Variants in PRKG1 observed in about 807,000 individuals in gnomAD.
PRKG1 encodes protein kinase cGMP-dependent 1.
A neutral mutation model predicts 88.1 loss-of-function variants in PRKG1; 35 were observed. That is an observed-to-expected ratio of 0.40 (90% CI 0.30 to 0.53). The LOEUF is 0.53. Among genes scored for constraint, PRKG1 ranks in the 20% least tolerant of loss-of-function variants. The pLI, the probability that PRKG1 is intolerant of heterozygous loss-of-function variation, is 0.59. For missense variants in PRKG1, 540 were observed against 839.8 expected (o/e 0.64, Z 4.41); for synonymous variants, 303 against 292.5 (o/e 1.04, Z -0.37).
chr10:51,352,203 C>T (rs980198044), intron 2 of PRKG1, among the ~76,000 whole-genome samples: 2 of 151,930 alleles, frequency 1.3e-5, no homozygotes, highest in Non-Finnish European at 1.5e-5. Context: ...GGTCTTTTTG[C>T]TTAGGATTGT....
At chr10:51,825,120 T>A (rs1309670517) in intron 4 of PRKG1, among the ~76,000 whole-genome samples, 3 of 152,188 alleles carry the variant, frequency 2.0e-5, no homozygotes, top group Non-Finnish European at 4.4e-5. Flanking sequence ...TTACTCTGGT[T>A]TGTAAGAATA....
intron 1 of PRKG1, among the ~76,000 whole-genome samples, chr10:51,027,557 A>G (rs1843223702): frequency 6.6e-6 from 1 of 152,212 alleles, no homozygotes; most frequent in African/African-American, 2.4e-5. Context: ...GTGTAGAAAA[A>G]TTTTTGAATG....
intron 1 of PRKG1, among the ~76,000 whole-genome samples, chr10:51,122,342 C>T (rs1845279332): frequency 6.6e-6 from 1 of 152,148 alleles, no homozygotes; most frequent in Non-Finnish European, 1.5e-5. Context: ...ACTGGGATGC[C>T]ACATGGACAC....
chr10:51,570,067 A>ATATATATATATATATATG (rs1491310201), intron 3 of PRKG1, among the ~76,000 whole-genome samples: 1,580 of 112,868 alleles, frequency 0.014, 80 homozygotes, highest in African/African-American at 0.048. Flanking sequence ...ATATATATAT[A>ATATATATATATATATATG]TGTGTGTGTG....
rs1844183012 is a variant in PRKG1 at position 51,084,021 on chromosome 10, GT to G, written c.311+9121del. ...TGATAAAAATAATCTTAGAATCGGA[GT>G]CAGCAAGGAGCTTTTCTGTCTTTTC... On this transcript the variant is annotated intron_variant, in intron 1 of 17. Transcript: ENST00000373980. Among the ~76,000 whole-genome samples the G allele has an allele frequency of 1.3e-5, 2 of 152,146 alleles. 1 individual carries two copies. Among genetic ancestry groups the G allele is most frequent in the South Asian group, 4.1e-4 (2 of 4,826 alleles).
At chr10:51,670,592 C>G (rs1055524308) in intron 3 of PRKG1, among the ~76,000 whole-genome samples, 1 of 148,848 alleles carries the variant, frequency 6.7e-6, no homozygotes, top group African/African-American at 2.4e-5. Context: ...AAAAATTAGC[C>G]GGGCGTAGTG....
At chr10:51,460,653 AG>A (rs1839721089) in intron 2 of PRKG1, among the ~76,000 whole-genome samples, 1 of 152,206 alleles carries the variant, frequency 6.6e-6, no homozygotes, top group African/African-American at 2.4e-5. Context: ...ACATTTCAAA[AG>A]ATAATGCACA....
At chr10:51,171,120 G>A (rs545813682) in intron 2 of PRKG1, among the ~76,000 whole-genome samples, 1 of 152,252 alleles carries the variant, frequency 6.6e-6, no homozygotes, top group Admixed American at 6.5e-5. Flanking sequence ...TTTGCTAATG[G>A]ATTGGACTGG....
At chr10:51,891,930 A>G (rs949662426) in intron 4 of PRKG1, among the ~76,000 whole-genome samples, 3 of 152,188 alleles carry the variant, frequency 2.0e-5, no homozygotes, top group Admixed American at 6.5e-5. Flanking sequence ...AGTGAGCAGG[A>G]AAAAGGGAAG....
intron 3 of PRKG1, among the ~76,000 whole-genome samples, chr10:51,654,090 A>T (rs1367871051): frequency 1.3e-5 from 2 of 152,158 alleles, no homozygotes; most frequent in African/African-American, 4.8e-5. Flanking sequence ...TATTAAAAAA[A>T]AATCACTGCC....
intron 1 of PRKG1, among the ~76,000 whole-genome samples, chr10:50,994,948 G>A (rs977424278): frequency 5.3e-5 from 8 of 152,104 alleles, no homozygotes; most frequent in African/African-American, 1.7e-4. Context: ...ATGAGTTAAA[G>A]TGTATGAAAG....
chr10:51,220,049 G>C (rs755954842), intron 2 of PRKG1, among the ~76,000 whole-genome samples: 1 of 152,204 alleles, frequency 6.6e-6, no homozygotes, highest in Admixed American at 6.5e-5. Flanking sequence ...GAAGGCAGAA[G>C]AGGAGGGCAG....
rs182092599 is a variant in PRKG1 at position 52,025,777 on chromosome 10, G to A, written c.763-28707G>A. 2.2e-4 allele frequency among the ~76,000 whole-genome samples: 33 copies of A among 151,592 alleles called. No individual in the cohort carries two copies. The East Asian group carries it at 5.5e-3, about 25-fold the overall frequency. On this transcript the variant is annotated intron_variant, in intron 5 of 17. Coordinates refer to ENST00000373980, the MANE Select transcript of PRKG1 (RefSeq NM_006258.4). ...AGGTAGAGTGATGCCTCCAGCTTAG[G>A]ATTGTATTGGCAATGCGGGCTCTTT... is the stretch of plus-strand genomic sequence containing the variant.
intron 8 of PRKG1, among the ~76,000 whole-genome samples, chr10:52,146,473 G>A (rs549529717): frequency 1.3e-5 from 2 of 152,248 alleles, no homozygotes; most frequent in South Asian, 2.1e-4. Context: ...TTTTCTCACA[G>A]CAAACTTGCA....
intron 4 of PRKG1, among the ~76,000 whole-genome samples, chr10:51,886,504 G>C (rs955961477): frequency 1.3e-5 from 2 of 151,990 alleles, no homozygotes; most frequent in Non-Finnish European, 2.9e-5. Flanking sequence ...GTTTCTTTTC[G>C]ACCTGCTAAT....
At chr10:52,005,297 A>T (rs7912562) in intron 5 of PRKG1, among the ~76,000 whole-genome samples, 2 of 133,512 alleles carry the variant, frequency 1.5e-5, no homozygotes, top group African/African-American at 2.8e-5. Flanking sequence ...GATTTTTGCT[A>T]TGTTGGCCAG....
At chr10:51,615,514 CT>C (rs1190109917) in intron 3 of PRKG1, among the ~76,000 whole-genome samples, 9 of 151,974 alleles carry the variant, frequency 5.9e-5, no homozygotes, top group South Asian at 2.1e-4. Flanking sequence ...TTTGCTCATT[CT>C]TTTTTACTTT....
rs573814166 is a variant in PRKG1, at chr10:51,138,265, G to A, written c.312-14899G>A. On this transcript the variant is annotated intron_variant, in intron 1 of 17. Transcript: ENST00000373980. Reference sequence around the variant, plus strand: ...CTGGTATTTAGAATTTCAAAACACTGTATTCAGCACAGAAACCTTAATGAT... The same window carrying A: ...CTGGTATTTAGAATTTCAAAACACTATATTCAGCACAGAAACCTTAATGAT... Among the ~76,000 whole-genome samples, 5 of 152,236 alleles carry A rather than the reference G, an allele frequency of 3.3e-5. No individual in the cohort carries two copies. In the East Asian group the frequency reaches 9.7e-4, roughly 29 times the overall value.
chr10:51,434,494 T>C (rs1838864109), intron 2 of PRKG1, among the ~76,000 whole-genome samples: 1 of 152,120 alleles, frequency 6.6e-6, no homozygotes, highest in Admixed American at 6.6e-5. Context: ...TACCCTGGGA[T>C]AAATTTCAGT....
Sources: allele counts gnomAD v4.1 joint callset (sites outside exome capture counted in the v4.1 genomes callset), GRCh38; gene constraint gnomAD v4.1.1; transcripts MANE v1.5; gene names NCBI Gene and HGNC (gene_info 2026-07-23, HGNC 2026-07-21).